Variants in MYO5B observed in about 807,000 individuals in gnomAD.
The protein encoded by MYO5B is unconventional myosin-Vb.
MYO5B carries 143 observed loss-of-function variants against 229.3 expected under a neutral mutation model. The observed-to-expected ratio is 0.62, with a 90% CI of 0.54 to 0.72. The LOEUF is 0.72. Among genes scored for constraint, MYO5B ranks in the 30% least tolerant of loss-of-function variants. MYO5B has a pLI of 0.00. For synonymous variants in MYO5B, 918 were observed against 885.2 expected (o/e 1.04, Z -0.66); for missense variants, 2,321 against 2,331.0 (o/e 1.00, Z 0.09).
At position 50,193,709 on chromosome 18, in the gene MYO5B, A is replaced by G. The variant is rs143363578; in HGVS notation, c.27+1058T>C. On this transcript the variant is annotated intron_variant, in intron 1 of 39. Coordinates refer to ENST00000285039, the MANE Select transcript of MYO5B (RefSeq NM_001080467.3). ...ACTGTTAAACGTGTTTTGGCCACCC[A>G]AGAAGACGAACAGGAAAACCAGGCA... is the stretch of plus-strand genomic sequence containing the variant. 3.4e-3 allele frequency among the ~76,000 whole-genome samples: 521 copies of G among 152,364 alleles called. 4 individuals carry two copies. The highest frequency in any genetic ancestry group is 0.012 in the African/African-American group (480 of 41,598).
intron 12 of MYO5B, among the ~76,000 whole-genome samples, chr18:49,954,853 C>T (rs762148426): frequency 7.9e-5 from 12 of 152,222 alleles, no homozygotes; most frequent in Middle Eastern, 3.2e-3. Flanking sequence ...CAGGTGAACT[C>T]CTGCCACAGG....
intron 4 of MYO5B, among the ~76,000 whole-genome samples, chr18:50,035,888 G>C (rs979916416): frequency 6.6e-6 from 1 of 152,044 alleles, no homozygotes; most frequent in East Asian, 1.9e-4. Context: ...GATCTCTACA[G>C]CCAGCAATAA....
Position 50,000,463 on chromosome 18 carries a change from T to C in MYO5B, c.612+792A>G, listed in dbSNP as rs147989235. 1.0e-3 allele frequency among the ~76,000 whole-genome samples: 156 copies of C among 152,248 alleles called. 2 individuals are homozygous for C. The East Asian group carries it at 0.019, about 18-fold the overall frequency. On this transcript the variant is annotated intron_variant, in intron 5 of 39. Transcript: ENST00000285039. ...AAGACAACAACAAAGAGCTTTAGCT[T>C]CAAAGGTGGGGAATGAAAGCTGTCC...
chr18:49,942,223 C>T (rs1315846940), intron 14 of MYO5B, among the ~76,000 whole-genome samples: 1 of 150,906 alleles, frequency 6.6e-6, no homozygotes, highest in African/African-American at 2.4e-5. Flanking sequence ...AGACCTAAAA[C>T]CATAAAAACC....
chr18:49,945,790 G>A (rs2025365999), intron 14 of MYO5B, among the ~76,000 whole-genome samples: 1 of 151,150 alleles, frequency 6.6e-6, no homozygotes, highest in Non-Finnish European at 1.5e-5. Flanking sequence ...GCTGGGCCTG[G>A]GGGCTCCATG....
rs1257960569 is a variant in MYO5B, at chr18:49,904,614, T to A, written c.2571+58A>T. Reference sequence around the variant, plus strand: ...AGAGGTTCACGTTGGCAGTAATTCATCTGTTGCCACTTTAGTTCTGAATCT... The same window carrying A: ...AGAGGTTCACGTTGGCAGTAATTCAACTGTTGCCACTTTAGTTCTGAATCT... On this transcript the variant is annotated intron_variant, in intron 20 of 39. Transcript: ENST00000285039. 3 of 1,608,500 alleles carry A rather than the reference T, an allele frequency of 1.9e-6. No homozygotes were observed. The African/African-American group carries it at 4.0e-5, about 21-fold the overall frequency.
intron 4 of MYO5B, among the ~76,000 whole-genome samples, chr18:50,014,920 C>T (rs979666527): frequency 2.6e-5 from 4 of 152,160 alleles, no homozygotes; most frequent in Non-Finnish European, 2.9e-5. Flanking sequence ...ATGCCTAGCA[C>T]GTCTAAGACA....
At chr18:49,965,155 G>C (rs1459023437) in intron 10 of MYO5B, among the ~76,000 whole-genome samples, 1 of 152,176 alleles carries the variant, frequency 6.6e-6, no homozygotes, top group East Asian at 1.9e-4. Flanking sequence ...TACACTGCTG[G>C]TGGCCAACCA....
intron 4 of MYO5B, among the ~76,000 whole-genome samples, chr18:50,021,073 G>T (rs1281920303): frequency 1.3e-5 from 2 of 152,108 alleles, no homozygotes; most frequent in Non-Finnish European, 2.9e-5. Context: ...ATCCACACTG[G>T]TTCTGCACTC....
intron 1 of MYO5B, among the ~76,000 whole-genome samples, chr18:50,154,568 A>G (rs191851076): frequency 9.2e-5 from 14 of 152,372 alleles, no homozygotes; most frequent in Middle Eastern, 3.4e-3. Flanking sequence ...TCTATTCCAC[A>G]GAAGCACATT....
chr18:50,070,926 T>A (rs1203548768), intron 1 of MYO5B, among the ~76,000 whole-genome samples: 3 of 152,184 alleles, frequency 2.0e-5, no homozygotes, highest in Non-Finnish European at 4.4e-5. Flanking sequence ...CATTGCAGCC[T>A]CCTCTGGCCT....
At chr18:49,939,303 G>A (rs1402047514) in intron 14 of MYO5B, among the ~76,000 whole-genome samples, 1 of 151,834 alleles carries the variant, frequency 6.6e-6, no homozygotes, top group Non-Finnish European at 1.5e-5. Context: ...GCACTACCAT[G>A]CCCAGCTAAT....
intron 1 of MYO5B, among the ~76,000 whole-genome samples, chr18:50,150,689 TG>T (rs2032584667): frequency 6.6e-6 from 1 of 152,014 alleles, no homozygotes; most frequent in Non-Finnish European, 1.5e-5. Flanking sequence ...GTTGTGGGAT[TG>T]GGGGAGTGGG....
chr18:50,005,273 G>A (rs2026089207), intron 4 of MYO5B, among the ~76,000 whole-genome samples: 1 of 152,184 alleles, frequency 6.6e-6, no homozygotes, highest in African/African-American at 2.4e-5. Flanking sequence ...TTGTGAAAAG[G>A]ACACTGGGGT....
In MYO5B at chr18:49,826,492, C is replaced by T. The variant is rs367774883; in HGVS notation, c.5526G>A (p.Leu1842=). 3 of 1,613,822 alleles carry T rather than the reference C, an allele frequency of 1.9e-6. No individual in the cohort carries two copies. Among genetic ancestry groups the T allele is most frequent in the Non-Finnish European group, 2.5e-6 (3 of 1,179,930 alleles). Residue 1842 remains leucine, a synonymous_variant, in exon 40 of 40, where the codon CTG becomes CTA. Transcript: ENST00000285039. Reference sequence around the variant, plus strand: ...ATCTTCAGACTTCATTGAGGAATTCCAGATTGAGACACGCTGGGATGTGGA... The same window carrying T: ...ATCTTCAGACTTCATTGAGGAATTCTAGATTGAGACACGCTGGGATGTGGA... ...DSIHIPACLN[L]EFLNEV
At chr18:50,063,623 A>G (rs184496516) in intron 1 of MYO5B, among the ~76,000 whole-genome samples, 2 of 152,372 alleles carry the variant, frequency 1.3e-5, no homozygotes, top group Non-Finnish European at 2.9e-5. Context: ...GTAACTGCAT[A>G]GTCACATAGC....
At chr18:50,043,416 T>TTAAATATATTTAAATATATTAAATA (rs71169473) in intron 2 of MYO5B, among the ~76,000 whole-genome samples, 734 of 31,162 alleles carry the variant, frequency 0.024, 10 homozygotes, top group Admixed American at 0.033. Flanking sequence ...ATATTAAATA[T>TTAAATATATTTAAATATATTAAATA]TTAAATATAT....
intron 10 of MYO5B, among the ~76,000 whole-genome samples, chr18:49,971,837 A>C (rs1008965673): frequency 6.6e-6 from 1 of 152,250 alleles, no homozygotes; most frequent in Non-Finnish European, 1.5e-5. Flanking sequence ...ACAGAGGAGT[A>C]ACTGTGCATG....
intron 17 of MYO5B, among the ~76,000 whole-genome samples, chr18:49,914,464 A>G (rs2024990531): frequency 6.6e-6 from 1 of 152,134 alleles, no homozygotes; most frequent in African/African-American, 2.4e-5. Context: ...AGGGCCCTTT[A>G]AAAATGTTGT....
Sources: allele counts gnomAD v4.1 joint callset (sites outside exome capture counted in the v4.1 genomes callset), GRCh38; gene constraint gnomAD v4.1.1; transcripts MANE v1.5; gene names NCBI Gene and HGNC (gene_info 2026-07-23, HGNC 2026-07-21).